Variants in CSMD1 observed in about 807,000 individuals in gnomAD.
CSMD1 encodes CUB and sushi domain-containing protein 1.
Under a neutral mutation model 417.5 loss-of-function variants are expected in CSMD1, and 213 were observed. The ratio of observed to expected loss-of-function variants is 0.51; its 90% CI spans 0.46 to 0.57. The LOEUF (loss-of-function observed/expected upper bound fraction) is 0.57, where lower values mean the gene tolerates loss of function less well. CSMD1 is among the 20% of genes least tolerant of loss of function. The probability of loss-of-function intolerance (pLI) is 0.00; values close to 1 mark genes in which losing one functional copy is unlikely to be tolerated. For synonymous variants in CSMD1, 2,862 were observed against 1,736.8 expected (o/e 1.65, Z -16.11); for missense variants, 6,923 against 4,529.7 (o/e 1.53, Z -15.17).
chr8:4,158,394 G>C (rs1049771032), intron 3 of CSMD1, among the ~76,000 whole-genome samples: 2 of 151,956 alleles, frequency 1.3e-5, no homozygotes, highest in African/African-American at 2.4e-5. Context: ...CACTAGTGCG[G>C]TCATCACTAT....
At chr8:3,643,880 G>C (rs1340852467) in intron 7 of CSMD1, among the ~76,000 whole-genome samples, 2 of 152,098 alleles carry the variant, frequency 1.3e-5, no homozygotes, top group Non-Finnish European at 2.9e-5. Context: ...TAATACACTT[G>C]ATTTGATTTG....
intron 54 of CSMD1, among the ~76,000 whole-genome samples, chr8:2,983,541 C>T (rs879817417): frequency 4.6e-5 from 7 of 151,998 alleles, no homozygotes; most frequent in African/African-American, 9.7e-5. Flanking sequence ...TATTACTTAA[C>T]GATAATTATA....
At chr8:4,154,369 G>C (rs562137432) in intron 3 of CSMD1, among the ~76,000 whole-genome samples, 4 of 152,200 alleles carry the variant, frequency 2.6e-5, no homozygotes, top group Non-Finnish European at 4.4e-5. Flanking sequence ...TCCATGTTTT[G>C]TGACATATAT....
At chr8:4,073,506 C>G (rs1053683720) in intron 3 of CSMD1, among the ~76,000 whole-genome samples, 3 of 152,150 alleles carry the variant, frequency 2.0e-5, no homozygotes, top group African/African-American at 7.2e-5. Flanking sequence ...AATATTCTTT[C>G]AGAGGACCTG....
chr8:4,144,118 G>C (rs1294641448), intron 3 of CSMD1, among the ~76,000 whole-genome samples: 3 of 151,038 alleles, frequency 2.0e-5, no homozygotes, highest in Admixed American at 1.3e-4. Flanking sequence ...TTGGGCTTAG[G>C]TTCCCTGCCC....
intron 1 of CSMD1, among the ~76,000 whole-genome samples, chr8:4,861,137 A>T (rs1802105393): frequency 2.6e-5 from 4 of 152,134 alleles, no homozygotes; most frequent in African/African-American, 4.8e-5. Context: ...GTATTTAGTG[A>T]ATGTTCGTTG....
chr8:3,978,104 A>G (rs1813579123), intron 5 of CSMD1, among the ~76,000 whole-genome samples: 1 of 152,174 alleles, frequency 6.6e-6, no homozygotes, highest in Admixed American at 6.5e-5. Context: ...AGAAAGTCTC[A>G]TGGGGATAAC....
chr8:3,984,726 T>A (rs1814180496), intron 5 of CSMD1, among the ~76,000 whole-genome samples: 3 of 80,834 alleles, frequency 3.7e-5, no homozygotes, highest in Non-Finnish European at 7.5e-5. Flanking sequence ...TATATATATA[T>A]ATATATATAT....
chr8:3,040,932 C>T (rs887574942), intron 50 of CSMD1, among the ~76,000 whole-genome samples: 1 of 152,162 alleles, frequency 6.6e-6, no homozygotes, highest in Non-Finnish European at 1.5e-5. Context: ...GCATCATGAA[C>T]ATTTTAAAAC....
Position 4,867,695 on chromosome 8 carries a change from G to C in CSMD1, c.85+126637C>G, listed in dbSNP as rs116213911. Among the ~76,000 whole-genome samples, 527 of 152,168 alleles carry C rather than the reference G, an allele frequency of 3.5e-3. 6 individuals are homozygous for C. The highest frequency in any genetic ancestry group is 0.012 in the African/African-American group (497 of 41,454). On this transcript the variant is annotated intron_variant, in intron 1 of 69. Transcript: ENST00000635120. ...AAAAGTTATATGTTTAGAATCCCTT[G>C]ATTTGTGTGTGTGTAAATTGTCAAA...
intron 17 of CSMD1, among the ~76,000 whole-genome samples, chr8:3,390,572 G>A (rs1405391079): frequency 6.6e-6 from 1 of 151,844 alleles, no homozygotes; most frequent in Admixed American, 6.6e-5. Flanking sequence ...GAAACGACGT[G>A]TATATTCAGA....
chr8:4,902,914 C>A (rs1390422116), intron 1 of CSMD1, among the ~76,000 whole-genome samples: 2 of 150,806 alleles, frequency 1.3e-5, no homozygotes, highest in Non-Finnish European at 2.9e-5. Flanking sequence ...AAGCAATATG[C>A]AACCTAAACT....
chr8:3,905,252 T>A (rs1808038431), intron 5 of CSMD1, among the ~76,000 whole-genome samples: 3 of 152,240 alleles, frequency 2.0e-5, no homozygotes, highest in Admixed American at 2.0e-4. Flanking sequence ...ATATTTAGAT[T>A]ATATTCTTTC....
intron 38 of CSMD1, among the ~76,000 whole-genome samples, chr8:3,158,274 T>G (rs1327150243): frequency 1.4e-5 from 2 of 147,102 alleles, no homozygotes; most frequent in African/African-American, 5.3e-5. Flanking sequence ...GGGCAAAATA[T>G]GCATTTTTTT....
chr8:4,010,491 C>G (rs560077733), intron 4 of CSMD1, among the ~76,000 whole-genome samples: 4 of 152,248 alleles, frequency 2.6e-5, no homozygotes, highest in Admixed American at 2.6e-4. Context: ...TCTCTTCCAA[C>G]AGCCCAACTC....
At chr8:3,861,539 G>C (rs1219274411) in intron 5 of CSMD1, among the ~76,000 whole-genome samples, 16 of 152,180 alleles carry the variant, frequency 1.1e-4, no homozygotes, top group Non-Finnish European at 2.2e-4. Flanking sequence ...AGAATTCTGG[G>C]ATTTAACTCC....
intron 1 of CSMD1, among the ~76,000 whole-genome samples, chr8:4,656,374 T>G (rs1804231526): frequency 6.6e-6 from 1 of 151,988 alleles, no homozygotes; most frequent in Non-Finnish European, 1.5e-5. Flanking sequence ...TGCCATGATA[T>G]TCAGATTTTA....
intron 2 of CSMD1, among the ~76,000 whole-genome samples, chr8:4,561,803 T>C (rs775166096): frequency 2.0e-5 from 3 of 152,182 alleles, no homozygotes; most frequent in Non-Finnish European, 4.4e-5. Context: ...GAGGCAGAGG[T>C]TATGAACATA....
chr8:3,997,368 C>T (rs768002738), intron 5 of CSMD1, among the ~76,000 whole-genome samples: 3 of 152,070 alleles, frequency 2.0e-5, no homozygotes, highest in South Asian at 2.1e-4. Context: ...GACCACCCTG[C>T]GGTTAATTTT....
Sources: allele counts gnomAD v4.1 joint callset (sites outside exome capture counted in the v4.1 genomes callset), GRCh38; gene constraint gnomAD v4.1.1; transcripts MANE v1.5; gene names NCBI Gene and HGNC (gene_info 2026-07-23, HGNC 2026-07-21).